OPCML: variants seen among roughly 807,000 people sequenced by gnomAD.
The protein encoded by OPCML is opioid-binding protein/cell adhesion molecule.
OPCML carries 13 observed loss-of-function variants against 37.8 expected under a neutral mutation model. That is an observed-to-expected ratio of 0.34 (90% CI 0.22 to 0.55). The LOEUF (loss-of-function observed/expected upper bound fraction) is 0.55. OPCML is among the 20% of genes least tolerant of loss of function. The pLI is 0.91. For missense variants in OPCML, 341 were observed against 435.6 expected, an observed-to-expected ratio of 0.78 and a Z score of 1.93; for synonymous variants, 176 against 168.8, an observed-to-expected ratio of 1.04 and a Z score of -0.33.
intron 3 of OPCML, among the ~76,000 whole-genome samples, chr11:132,634,028 G>A (rs1048686866): frequency 1.3e-5 from 2 of 152,262 alleles, no homozygotes; most frequent in East Asian, 1.9e-4. Context: ...TTGCAGGCAA[G>A]CATACAGACA....
intron 4 of OPCML, among the ~76,000 whole-genome samples, chr11:132,477,951 A>G (rs2096163000): frequency 1.3e-5 from 2 of 152,212 alleles, no homozygotes. Flanking sequence ...GTATGCATAT[A>G]TTTCTGAGAT....
intron 1 of OPCML, among the ~76,000 whole-genome samples, chr11:133,511,798 C>G (rs1368874754): frequency 6.6e-6 from 1 of 151,820 alleles, no homozygotes; most frequent in African/African-American, 2.4e-5. Flanking sequence ...AAGATTTTCT[C>G]CACTAGTATG....
At chr11:132,996,344 G>A (rs1422990678) in intron 1 of OPCML, among the ~76,000 whole-genome samples, 1 of 151,994 alleles carries the variant, frequency 6.6e-6, no homozygotes, top group African/African-American at 2.4e-5. Flanking sequence ...TCATAGCTGG[G>A]TACAGTGGCT....
chr11:133,112,731 C>T (rs1178294270), intron 1 of OPCML, among the ~76,000 whole-genome samples: 1 of 152,166 alleles, frequency 6.6e-6, no homozygotes, highest in East Asian at 1.9e-4. Context: ...CACTGTAGTG[C>T]CATCACACCT....
At chr11:133,387,866 A>G (rs1356348462) in intron 1 of OPCML, among the ~76,000 whole-genome samples, 2 of 152,218 alleles carry the variant, frequency 1.3e-5, no homozygotes, top group Non-Finnish European at 2.9e-5. Context: ...CCTGCCTCTC[A>G]AGGTTACTTC....
At chr11:133,467,665 C>T (rs1947007750) in intron 1 of OPCML, among the ~76,000 whole-genome samples, 1 of 152,082 alleles carries the variant, frequency 6.6e-6, no homozygotes, top group Admixed American at 6.5e-5. Context: ...TCTCACTTCA[C>T]CAAACTGAGA....
chr11:132,702,551 T>G (rs946980501), intron 2 of OPCML, among the ~76,000 whole-genome samples: 12 of 152,298 alleles, frequency 7.9e-5, no homozygotes, highest in African/African-American at 2.9e-4. Flanking sequence ...ATCTTTTATG[T>G]TTAGTCTATT....
At chr11:133,474,860 C>G (rs930028316) in intron 1 of OPCML, among the ~76,000 whole-genome samples, 2 of 152,212 alleles carry the variant, frequency 1.3e-5, no homozygotes, top group Non-Finnish European at 2.9e-5. Flanking sequence ...TGAGTGCACA[C>G]AGCAAGCGCC....
chr11:133,218,558 A>G (rs1453823320), intron 1 of OPCML, among the ~76,000 whole-genome samples: 3 of 152,168 alleles, frequency 2.0e-5, no homozygotes, highest in Non-Finnish European at 4.4e-5. Flanking sequence ...CCTCCTGTGC[A>G]TGTAAGCTTG....
intron 4 of OPCML, among the ~76,000 whole-genome samples, chr11:132,457,338 C>T (rs975529157): frequency 6.6e-6 from 1 of 152,220 alleles, no homozygotes; most frequent in Non-Finnish European, 1.5e-5. Context: ...GAGACATCTA[C>T]TCTGCTCTTA....
intron 1 of OPCML, among the ~76,000 whole-genome samples, chr11:133,468,410 A>G (rs1160393721): frequency 6.6e-6 from 1 of 152,210 alleles, no homozygotes; most frequent in Admixed American, 6.5e-5. Context: ...CAACACACTC[A>G]GACCTTCCTG....
intron 1 of OPCML, among the ~76,000 whole-genome samples, chr11:133,430,284 C>T (rs1003871506): frequency 1.3e-5 from 2 of 152,104 alleles, no homozygotes; most frequent in African/African-American, 4.8e-5. Flanking sequence ...AAATTGAAGT[C>T]TGCCAGCTAA....
chr11:132,880,089 G>A (rs1250718536), intron 2 of OPCML, among the ~76,000 whole-genome samples: 2 of 151,806 alleles, frequency 1.3e-5, no homozygotes, highest in African/African-American at 2.4e-5. Flanking sequence ...AAACACTTTC[G>A]CTGATCATTC....
At chr11:133,170,817 G>A (rs1950278900) in intron 1 of OPCML, among the ~76,000 whole-genome samples, 1 of 152,200 alleles carries the variant, frequency 6.6e-6, no homozygotes, top group East Asian at 1.9e-4. Flanking sequence ...CATCTAGAAG[G>A]AGCTGGATCC....
intron 1 of OPCML, among the ~76,000 whole-genome samples, chr11:133,210,578 A>C (rs1341014424): frequency 1.3e-5 from 2 of 152,190 alleles, no homozygotes; most frequent in Non-Finnish European, 2.9e-5. Flanking sequence ...ACTGAGCTCA[A>C]AGGGACATTT....
At chr11:132,539,531 CTGA>C (rs1374521818) in intron 3 of OPCML, among the ~76,000 whole-genome samples, 10 of 150,824 alleles carry the variant, frequency 6.6e-5, no homozygotes, top group East Asian at 5.9e-4. Context: ...GCTGCTGCTG[CTGA>C]TGATGATGAT....
chr11:132,960,950 G>C (rs1318403688), intron 1 of OPCML, among the ~76,000 whole-genome samples: 1 of 152,182 alleles, frequency 6.6e-6, no homozygotes, highest in Non-Finnish European at 1.5e-5. Context: ...GCTGAGGGGA[G>C]AAGCAGCAGG....
chr11:133,390,681 G>A (rs2136809648), intron 1 of OPCML, among the ~76,000 whole-genome samples: 2 of 152,190 alleles, frequency 1.3e-5, no homozygotes, highest in East Asian at 3.9e-4. Flanking sequence ...ACAGTGGGAA[G>A]GCTTAGCATG....
intron 1 of OPCML, among the ~76,000 whole-genome samples, chr11:133,371,503 T>A (rs148572679): frequency 3.3e-3 from 499 of 152,316 alleles, no homozygotes; most frequent in Non-Finnish European, 5.8e-3. Context: ...GGTGGTTGGA[T>A]CATGGGGGCA....
Sources: allele counts gnomAD v4.1 joint callset (sites outside exome capture counted in the v4.1 genomes callset), GRCh38; gene constraint gnomAD v4.1.1; transcripts MANE v1.5; gene names NCBI Gene and HGNC (gene_info 2026-07-23, HGNC 2026-07-21).